Variants in SLC2A2 observed in about 807,000 individuals in gnomAD.
The protein encoded by SLC2A2 is solute carrier family 2 member 2, also known as solute carrier family 2, facilitated glucose transporter member 2.
A neutral mutation model predicts 54.5 loss-of-function variants in SLC2A2; 36 were observed. The observed-to-expected ratio is 0.66, with a 90% confidence interval of 0.51 to 0.87. The LOEUF (loss-of-function observed/expected upper bound fraction) is 0.87. SLC2A2 is among the 40% of genes least tolerant of loss of function. SLC2A2 has a pLI of 0.00. For missense variants in SLC2A2, 543 were observed against 624.3 expected (o/e 0.87, Z 1.39); for synonymous variants, 223 against 219.1 (o/e 1.02, Z -0.16).
chr3:171,013,362 C>G (rs1715977982), intron 3 of SLC2A2, among the ~76,000 whole-genome samples: 1 of 151,954 alleles, frequency 6.6e-6, no homozygotes, highest in Non-Finnish European at 1.5e-5. Context: ...ATTTAAAGTT[C>G]AACTGAACAT....
chr3:171,008,614 C>A (rs1194298622), intron 4 of SLC2A2, among the ~76,000 whole-genome samples: 1 of 151,846 alleles, frequency 6.6e-6, no homozygotes, highest in Non-Finnish European at 1.5e-5. Flanking sequence ...CATTTGTTTT[C>A]AATTTTACCA....
At chr3:171,004,047 C>T (rs564045860) in intron 7 of SLC2A2, among the ~76,000 whole-genome samples, 1 of 152,102 alleles carries the variant, frequency 6.6e-6, no homozygotes, top group South Asian at 2.1e-4. Context: ...CATCCTTTGT[C>T]ATTCCTTCCC....
chr3:171,014,444 A>G, intron 3 of SLC2A2, 25 bp downstream of exon 3: 1 of 1,611,068 alleles, frequency 6.2e-7, no homozygotes, highest in Non-Finnish European at 8.5e-7. Context: ...GTTTCTGTTT[A>G]TGCTTATTTA....
At chr3:171,015,718 CA>C (rs1716121407) in intron 2 of SLC2A2, among the ~76,000 whole-genome samples, 1 of 152,008 alleles carries the variant, frequency 6.6e-6, no homozygotes, top group Non-Finnish European at 1.5e-5. Flanking sequence ...GCCACCAGGG[CA>C]GAGAGGAAAA....
intron 1 of SLC2A2, among the ~76,000 whole-genome samples, chr3:171,019,326 G>T (rs138879051): frequency 4.3e-4 from 66 of 151,860 alleles, no homozygotes; most frequent in Non-Finnish European, 6.8e-4. Context: ...ACTCATATAA[G>T]AGGCATTAGC....
rs182346879 is a variant in SLC2A2 at position 171,020,833 on chromosome 3, A to G, written c.16-2210T>C. Among the ~76,000 whole-genome samples, 16 of 151,902 alleles carry G rather than the reference A, an allele frequency of 1.1e-4. No homozygotes were observed. In the East Asian group the frequency reaches 2.9e-3, roughly 28 times the overall value. ...CAGGAGGTTGCTGCTGCAGTGAGCTATGATTGCACCACCATACTCCAGCCT... is the reference window on the plus strand; with the variant it reads ...CAGGAGGTTGCTGCTGCAGTGAGCTGTGATTGCACCACCATACTCCAGCCT... On this transcript the variant is annotated intron_variant, in intron 1 of 10. Transcript: ENST00000314251.
intron 4 of SLC2A2, chr3:171,007,569 T>A (rs1351123572): frequency 1.4e-5 from 5 of 356,358 alleles, no homozygotes; most frequent in African/African-American, 8.4e-5. Flanking sequence ...ATGCCTTAGG[T>A]TATCTTCAGA....
chr3:171,025,268 T>G (rs1188101539), intron 1 of SLC2A2, among the ~76,000 whole-genome samples: 1 of 150,754 alleles, frequency 6.6e-6, no homozygotes, highest in African/African-American at 2.4e-5. Context: ...ATATCAAACA[T>G]ATAAATGGTG....
intron 4 of SLC2A2, among the ~76,000 whole-genome samples, chr3:171,007,815 T>C (rs996018196): frequency 2.2e-4 from 34 of 152,020 alleles, no homozygotes; most frequent in African/African-American, 8.0e-4. Flanking sequence ...TGCAGAGAGG[T>C]AGAAGAGGTT....
chr3:171,006,780 C>G (rs1327147607), intron 5 of SLC2A2, among the ~76,000 whole-genome samples: 1 of 152,006 alleles, frequency 6.6e-6, no homozygotes. Context: ...GAAACCCAGG[C>G]AGTCAAACAC....
At chr3:171,019,892 G>A (rs966190186) in intron 1 of SLC2A2, among the ~76,000 whole-genome samples, 6 of 152,168 alleles carry the variant, frequency 3.9e-5, no homozygotes, top group Admixed American at 1.3e-4. Context: ...GGTCCTTGAG[G>A]AGGAATGTGA....
At chr3:171,025,305 T>A (rs1474879497) in intron 1 of SLC2A2, among the ~76,000 whole-genome samples, 1 of 136,238 alleles carries the variant, frequency 7.3e-6, no homozygotes, top group Non-Finnish European at 1.5e-5. Context: ...TTAAAGTGTT[T>A]ATACATTATA....
At chr3:171,019,923 G>T (rs1438815023) in intron 1 of SLC2A2, among the ~76,000 whole-genome samples, 1 of 152,104 alleles carries the variant, frequency 6.6e-6, no homozygotes, top group Admixed American at 6.6e-5. Flanking sequence ...GGAGAGTGAA[G>T]GAAATTTTTT....
intron 6 of SLC2A2, 93 bp downstream of exon 6, chr3:171,005,850 A>G: frequency 7.7e-7 from 1 of 1,300,464 alleles, no homozygotes; most frequent in South Asian, 1.2e-5. Context: ...TTCTTCTTAC[A>G]TTTAATCACC....
rs888187462 is a variant in SLC2A2, at chr3:171,007,537, T to G, written c.497-274A>C. The G allele has an allele frequency of 7.1e-6, 3 of 424,860 alleles. No individual in the cohort carries two copies. The Admixed American group carries it at 1.1e-4, about 15-fold the overall frequency. The allele number at this position is 424,860 out of a possible 1,614,324, so 26.3% of individuals were successfully genotyped here. ...TCATCTTATTTAATTAAAATTCATG[T>G]TAATTTTTAGTTTACATCATAATGC... On this transcript the variant is annotated intron_variant, in intron 4 of 10. Coordinates refer to ENST00000314251, the MANE Select transcript of SLC2A2 (RefSeq NM_000340.2).
At position 171,007,299 on chromosome 3, in the gene SLC2A2, C is replaced by T. The variant is rs374173789; in HGVS notation, c.497-36G>A. The T allele has an allele frequency of 2.0e-5, 24 of 1,201,840 alleles. No individual in the cohort carries two copies. In the African/African-American group the frequency reaches 2.4e-4, roughly 12 times the overall value. The allele number at this position is 1,201,840 out of a possible 1,614,324, so 74.4% of individuals were successfully genotyped here. On this transcript the variant is annotated intron_variant, in intron 4 of 10. Transcript: ENST00000314251. The stretch of plus-strand genomic sequence containing the variant: ...CATAAACATAAATGTTAAAGTGCAA[C>T]CAGGACTATCTCAATAATAACAATT...
At chr3:171,014,775 T>C (rs766494366) in intron 2 of SLC2A2, 44 bp from the exon 3 acceptor site, 1 of 1,553,484 alleles carries the variant, frequency 6.4e-7, no homozygotes, top group Admixed American at 1.7e-5. Context: ...AAACATTCTA[T>C]GTATTTTTGT....
rs143149801 is a variant in SLC2A2 at position 171,000,610 on chromosome 3, C to T, written c.1069-1444G>A. ...CCGCTTCTTTCTCAGTGTCATCCTGCTTCCTAGATCCCTCCATTTTCTTTC... is the reference window on the plus strand; with the variant it reads ...CCGCTTCTTTCTCAGTGTCATCCTGTTTCCTAGATCCCTCCATTTTCTTTC... On this transcript the variant is annotated intron_variant, in intron 8 of 10. Coordinates refer to ENST00000314251, the MANE Select transcript of SLC2A2 (RefSeq NM_000340.2). Among the ~76,000 whole-genome samples the T allele has an allele frequency of 5.4e-5, 8 of 148,628 alleles. No individual in the cohort carries two copies. In the East Asian group the frequency reaches 1.6e-3, roughly 29 times the overall value.
intron 1 of SLC2A2, among the ~76,000 whole-genome samples, chr3:171,021,181 C>T (rs1716446198): frequency 6.6e-6 from 1 of 152,040 alleles, no homozygotes; most frequent in Non-Finnish European, 1.5e-5. Context: ...TCCTCAAATC[C>T]TTTTTCCCCT....
Sources: allele counts gnomAD v4.1 joint callset (sites outside exome capture counted in the v4.1 genomes callset), GRCh38; gene constraint gnomAD v4.1.1; transcripts MANE v1.5; gene names NCBI Gene and HGNC (gene_info 2026-07-23, HGNC 2026-07-21).